SBF2: variants seen among roughly 807,000 people sequenced by gnomAD.
SBF2 encodes SET binding factor 2.
A neutral mutation model predicts 225.2 loss-of-function variants in SBF2; 112 were observed. The ratio of observed to expected loss-of-function variants is 0.50; its 90% CI spans 0.43 to 0.58. The LOEUF is 0.58. Ranked by LOEUF, SBF2 falls within the 20% of genes least tolerant of loss-of-function variation. The pLI is 0.00. For synonymous variants in SBF2, 763 were observed against 773.3 expected, an observed-to-expected ratio of 0.99 and a Z score of 0.22; for missense variants, 1,996 against 2,206.2, an observed-to-expected ratio of 0.90 and a Z score of 1.91.
rs765472480 is a variant in SBF2 at position 9,781,550 on chromosome 11, C to G, written c.5408G>C (p.Ser1803Thr). 3.1e-6 allele frequency: 5 copies of G among 1,614,108 alleles called. No homozygotes were observed. The highest frequency in any genetic ancestry group is 1.3e-5 in the African/African-American group (1 of 74,944). The change falls in exon 39 of 40, where the codon AGC becomes ACC. Residue 1803 changes from serine (S) to threonine (T), a missense_variant. Physicochemically the swap from Ser to Thr is moderately conservative, Grantham distance 58. Coordinates refer to ENST00000256190, the MANE Select transcript of SBF2 (RefSeq NM_030962.4). ...ACTTGTGTGCTTTGGGGCTCCCATG[C>G]TGGGGCCAGCAGGGATGACCATTTC... The part of the protein sequence containing the change: ...EVEMVIPAGP[S>T]MGAPKHTSDK...
chr11:10,293,333 C>G (rs146462192), intron 1 of SBF2, among the ~76,000 whole-genome samples: 3 of 152,348 alleles, frequency 2.0e-5, no homozygotes, highest in Non-Finnish European at 4.4e-5. Flanking sequence ...AATGAAAACA[C>G]ATTAAAGTGA....
rs1362138348 is a variant in SBF2, at chr11:10,271,896, A to G, written c.55+22119T>C. Among the ~76,000 whole-genome samples the G allele has an allele frequency of 2.4e-4, 27 of 112,298 alleles. 9 individuals are homozygous for G. The highest frequency in any genetic ancestry group is 5.1e-4 in the Non-Finnish European group (24 of 47,064). The allele number at this position is 112,298 out of a possible 152,430, so 73.7% of individuals were successfully genotyped here. A position where few individuals can be genotyped will look rare whatever the true frequency, so the allele number is the denominator to read the frequency against. ...CACCCAGTTTTCTCACTCAAGTAGA[A>G]ACTCATGAATATCTGTGATTTTGGC... is the stretch of plus-strand genomic sequence containing the variant. On this transcript the variant is annotated intron_variant, in intron 1 of 39. Coordinates refer to ENST00000256190, the MANE Select transcript of SBF2 (RefSeq NM_030962.4).
At chr11:10,272,654 C>T (rs528337353) in intron 1 of SBF2, among the ~76,000 whole-genome samples, 27 of 152,088 alleles carry the variant, frequency 1.8e-4, no homozygotes, top group African/African-American at 6.3e-4. Context: ...TGCCTGTAGT[C>T]CCAGCTACTT....
intron 1 of SBF2, among the ~76,000 whole-genome samples, chr11:10,206,156 G>C (rs546031350): frequency 2.0e-5 from 3 of 151,254 alleles, no homozygotes; most frequent in Non-Finnish European, 3.0e-5. Flanking sequence ...TAGCCTGAGA[G>C]TCCCCTCCCC....
At chr11:10,077,094 T>A (rs890898773) in intron 2 of SBF2, among the ~76,000 whole-genome samples, 1 of 152,166 alleles carries the variant, frequency 6.6e-6, no homozygotes, top group Non-Finnish European at 1.5e-5. Context: ...GCAGAGCTTA[T>A]TACATTATCT....
Position 10,303,444 on chromosome 11 carries a change from G to A in SBF2, n.386+1048C>T, listed in dbSNP as rs1964616735. The A allele has an allele frequency of 6.6e-6, 1 of 152,294 alleles. No individual in the cohort carries two copies. Among genetic ancestry groups the A allele is most frequent in the Non-Finnish European group, 1.5e-5 (1 of 68,100 alleles). 9.4% of individuals were successfully genotyped at this position (152,294 alleles called of 1,614,324 possible). ...CAATGTCCACTGTTGAGTCCCGAGA[G>A]TGAAAAGGCAGCTAAGCCAGCAGTG... On this transcript the variant is annotated intron_variant and non_coding_transcript_variant, in intron 1 of 5. Transcript: ENST00000685217. The surrounding 1 kb of genome is among the most constrained non-coding windows in gnomAD (Gnocchi z 5.2).
chr11:9,799,547 T>C (rs531908506), intron 32 of SBF2, among the ~76,000 whole-genome samples: 2 of 152,358 alleles, frequency 1.3e-5, no homozygotes, highest in Admixed American at 6.5e-5. Flanking sequence ...GTAACAAGCA[T>C]GTAAACATTT....
At chr11:9,898,828 A>T (rs1861485386) in intron 16 of SBF2, among the ~76,000 whole-genome samples, 1 of 152,244 alleles carries the variant, frequency 6.6e-6, no homozygotes, top group Non-Finnish European at 1.5e-5. Context: ...TATTGAATAA[A>T]CATTTATTGG....
At chr11:10,000,271 T>C (rs970503922) in intron 8 of SBF2, among the ~76,000 whole-genome samples, 3 of 152,236 alleles carry the variant, frequency 2.0e-5, no homozygotes, top group African/African-American at 4.8e-5. Flanking sequence ...TATCAGATTA[T>C]TACCTGAGAA....
chr11:10,171,451 G>C (rs922819482), intron 2 of SBF2, among the ~76,000 whole-genome samples: 1 of 152,182 alleles, frequency 6.6e-6, no homozygotes, highest in Admixed American at 6.6e-5. Flanking sequence ...ATTGGTGTGT[G>C]TGTCTTGAAC....
chr11:10,232,418 T>C (rs906092496), intron 1 of SBF2, among the ~76,000 whole-genome samples: 1 of 152,232 alleles, frequency 6.6e-6, no homozygotes, highest in Admixed American at 6.5e-5. Flanking sequence ...AGCTGTAGAC[T>C]GGAGCTGTTC....
At chr11:9,965,866 A>G (rs1405991548) in intron 14 of SBF2, among the ~76,000 whole-genome samples, 2 of 152,200 alleles carry the variant, frequency 1.3e-5, no homozygotes, top group African/African-American at 4.8e-5. Flanking sequence ...ATGCTCATTC[A>G]TAATTGTGGG....
At chr11:9,896,987 T>C (rs1861319471) in intron 16 of SBF2, among the ~76,000 whole-genome samples, 1 of 152,138 alleles carries the variant, frequency 6.6e-6, no homozygotes, top group Non-Finnish European at 1.5e-5. Flanking sequence ...ATAGAATTAC[T>C]GTATATTACA....
intron 13 of SBF2, among the ~76,000 whole-genome samples, chr11:9,986,258 A>G (rs1471133920): frequency 6.6e-6 from 1 of 152,160 alleles, no homozygotes; most frequent in Admixed American, 6.5e-5. Context: ...ACAACCTATC[A>G]AAACCTCTGG....
intron 2 of SBF2, among the ~76,000 whole-genome samples, chr11:10,136,018 G>A (rs187414763): frequency 1.1e-4 from 16 of 152,258 alleles, no homozygotes; most frequent in African/African-American, 3.9e-4. Flanking sequence ...GCGTTTAATA[G>A]ACTCACAGCT....
At position 9,829,481 on chromosome 11, in the gene SBF2, A is replaced by G. The variant is rs760210827; in HGVS notation, c.3668T>C (p.Leu1223Ser). The G allele has an allele frequency of 5.6e-6, 9 of 1,612,170 alleles. No individual in the cohort carries two copies. Among genetic ancestry groups the G allele is most frequent in the Non-Finnish European group, 7.6e-6 (9 of 1,178,166 alleles). The change falls in exon 28 of 40, where the codon TTA becomes TCA. Residue 1223 changes from leucine to serine, a missense_variant. Coordinates refer to ENST00000256190, the MANE Select transcript of SBF2 (RefSeq NM_030962.4). ...NSPQAAPTSSLESSSSIEQEK... is the reference protein window; with the variant it reads ...NSPQAAPTSSSESSSSIEQEK... ...TTGTTCTATGCTACTGGAAGATTCT[A>G]AAGAGGAGGTAGGAGCTATAAAAGG...
At position 10,000,958 on chromosome 11, in the gene SBF2, T is replaced by C. The variant is rs1255429600; in HGVS notation, c.817A>G (p.Ile273Val). 6.2e-7 allele frequency: 1 copy of C among 1,606,844 alleles called. No homozygotes were observed. The highest frequency in any genetic ancestry group is 8.5e-7 in the Non-Finnish European group (1 of 1,173,566). Reference sequence around the variant, plus strand: ...TTAAAGACAGAATGTACTCCAATAATGAAAGGCGTTGGGGAACTTAGAACT... The same window carrying C: ...TTAAAGACAGAATGTACTCCAATAACGAAAGGCGTTGGGGAACTTAGAACT... Reference protein sequence around the residue: ...LEVLSSPTPFIIGVHSVFKTD... With the variant: ...LEVLSSPTPFVIGVHSVFKTD... The change falls in exon 8 of 40, where the codon ATT becomes GTT. Residue 273 changes from isoleucine to valine, a missense_variant. By Grantham distance (29) the Ile-to-Val change is conservative (BLOSUM62 3). Coordinates refer to ENST00000256190, the MANE Select transcript of SBF2 (RefSeq NM_030962.4).
At chr11:9,942,224 T>C (rs58419649) in intron 16 of SBF2, among the ~76,000 whole-genome samples, 16,165 of 152,122 alleles carry the variant, frequency 0.11, 973 homozygotes, top group East Asian at 0.31. Flanking sequence ...TGTGCTACCA[T>C]GGCTGGCTGA....
intron 2 of SBF2, among the ~76,000 whole-genome samples, chr11:10,076,150 T>TA: frequency 6.6e-6 from 1 of 152,300 alleles, no homozygotes; most frequent in East Asian, 1.9e-4. Context: ...GAGAGTATCT[T>TA]ACAATACATA....
Sources: allele counts gnomAD v4.1 joint callset (sites outside exome capture counted in the v4.1 genomes callset), GRCh38; gene constraint gnomAD v4.1.1; non-coding constraint Gnocchi (gnomAD v3.1); transcripts MANE v1.5; gene names NCBI Gene and HGNC (gene_info 2026-07-23, HGNC 2026-07-21).